Variants in PXN observed in about 807,000 individuals in gnomAD.
PXN encodes the protein paxillin.
PXN carries 61 observed loss-of-function variants against 103.6 expected under a neutral mutation model. The ratio of observed to expected loss-of-function variants is 0.59; its 90% CI spans 0.48 to 0.73. The LOEUF (loss-of-function observed/expected upper bound fraction) is 0.73, where lower values mean the gene tolerates loss of function less well. PXN is among the 30% of genes least tolerant of loss of function. The pLI is 0.00. For missense variants in PXN, 1,274 were observed against 1,460.3 expected (o/e 0.87, Z 2.08); for synonymous variants, 562 against 607.8 (o/e 0.92, Z 1.11).
intron 1 of PXN, among the ~76,000 whole-genome samples, chr12:120,237,385 C>T (rs1889295113): frequency 1.3e-5 from 2 of 152,116 alleles, no homozygotes; most frequent in African/African-American, 4.8e-5. Context: ...TCTCGAACTC[C>T]TGCTGGCCAT....
At chr12:120,235,008 G>T (rs1311662753) in intron 1 of PXN, among the ~76,000 whole-genome samples, 1 of 152,106 alleles carries the variant, frequency 6.6e-6, no homozygotes, top group East Asian at 1.9e-4. Flanking sequence ...TTCATTCCAA[G>T]TCCTCCTTGG....
intron 1 of PXN, among the ~76,000 whole-genome samples, chr12:120,239,504 C>T (rs879631671): frequency 6.6e-6 from 1 of 152,122 alleles, no homozygotes; most frequent in Non-Finnish European, 1.5e-5. Context: ...ATCGCTTGAA[C>T]CCAGGAGGCG....
chr12:120,244,374 C>T (rs1356829990), intron 1 of PXN, among the ~76,000 whole-genome samples: 2 of 151,128 alleles, frequency 1.3e-5, no homozygotes, highest in South Asian at 2.1e-4. Context: ...TGGTCGGGCG[C>T]GGTGGCTCAC....
chr12:120,245,478 T>C (rs1363246220), intron 1 of PXN, among the ~76,000 whole-genome samples: 5 of 151,204 alleles, frequency 3.3e-5, no homozygotes, highest in Admixed American at 3.3e-4. Context: ...TTTTGTTAAC[T>C]TCTTTAGTCT....
rs1383708059 is a variant in PXN, at chr12:120,213,413, G to A, written c.2979+429C>T. 6.6e-6 allele frequency among the ~76,000 whole-genome samples: 1 copy of A among 152,242 alleles called. No homozygotes were observed. Among genetic ancestry groups the A allele is most frequent in the East Asian group, 1.9e-4 (1 of 5,204 alleles). ...AAAAGAAAAGAAAAGGCTCTGAGAA[G>A]TCCTGCAGGGAACAGTGTTTCCCAA... On this transcript the variant is annotated intron_variant, in intron 14 of 14. Transcript: ENST00000637617. The surrounding 1 kb of genome is among the most constrained non-coding windows in gnomAD (Gnocchi z 4.2).
rs147037897 is a variant in PXN at position 120,243,461 on chromosome 12, G to A, written c.14-19084C>T. ...TCCAAGCATTTTGGGAGGCCAAGGC[G>A]GGACGATTGCTTGAGGGCAGAAATT... On this transcript the variant is annotated intron_variant, in intron 1 of 14. Coordinates refer to ENST00000637617, the MANE Select transcript of PXN (RefSeq NM_001385981.1). Among the ~76,000 whole-genome samples the A allele has an allele frequency of 1.4e-3, 216 of 152,286 alleles. 3 individuals are homozygous for A. The highest frequency in any genetic ancestry group is 4.9e-3 in the African/African-American group (203 of 41,558).
chr12:120,221,824 C>A lies in PXN; in HGVS notation c.696-66G>T. ...GCCCCACACTTCCCGGGGATCAGAT[C>A]GACCTCTCACCTCGGACACTGGGGT... On this transcript the variant is annotated intron_variant, in intron 5 of 14. Transcript: ENST00000637617. This position sits in a 1 kb window ranked among gnomAD's most constrained non-coding sequence, Gnocchi z 6.6. 1.3e-6 allele frequency: 2 copies of A among 1,492,780 alleles called. No individual in the cohort carries two copies. 92.5% of individuals were successfully genotyped at this position (1,492,780 alleles called of 1,614,324 possible).
At position 120,223,786 on chromosome 12, in the gene PXN, A is replaced by C. The variant is rs762843360; in HGVS notation, c.288T>G (p.Ser96Arg). The change falls in exon 3 of 15, where the codon AGT becomes AGG. Residue 96 changes from serine to arginine, a missense_variant. Around this residue, in one of 2 missense-constraint regions of PXN, gnomAD observed 1,178 missense variants for 1,309.0 expected, o/e 0.90. Coordinates refer to ENST00000637617, the MANE Select transcript of PXN (RefSeq NM_001385981.1). ...PVYGSSAKTSSVSNPQDSVGS... is the reference protein window; with the variant it reads ...PVYGSSAKTSRVSNPQDSVGS... The stretch of plus-strand genomic sequence containing the variant: ...CAACACTGTCCTGAGGGTTGGAGAC[A>C]CTGGAAGTTTTGGCACTGGAGCCGT... The C allele has an allele frequency of 6.2e-7, 1 of 1,610,672 alleles. No individual in the cohort carries two copies.
chr12:120,223,383 G>A (rs1391287135), intron 3 of PXN, among the ~76,000 whole-genome samples: 1 of 151,826 alleles, frequency 6.6e-6, no homozygotes, highest in African/African-American at 2.4e-5. Context: ...GCAGTGAGCC[G>A]AGATCGCGCG....
At chr12:120,251,911 T>C (rs886840703) in intron 1 of PXN, among the ~76,000 whole-genome samples, 18 of 152,144 alleles carry the variant, frequency 1.2e-4, no homozygotes, top group African/African-American at 4.1e-4. Context: ...ATCCCAAGAA[T>C]GAACGATAAC....
At position 120,224,505 on chromosome 12, in the gene PXN, G is replaced by T. The variant is rs1886246794; in HGVS notation, c.14-128C>A. ...CACCTGCCCCACCCATGGGAGAAAT[G>T]ACCAGCCTTGGGACAGGAAGCCACC... On this transcript the variant is annotated intron_variant, in intron 1 of 14. Coordinates refer to ENST00000637617, the MANE Select transcript of PXN (RefSeq NM_001385981.1). This position sits in a 1 kb window ranked among gnomAD's most constrained non-coding sequence, Gnocchi z 5.0. The T allele has an allele frequency of 2.5e-6, 2 of 796,318 alleles. No homozygotes were observed. The highest frequency in any genetic ancestry group is 2.7e-5 in the South Asian group (2 of 73,492). The allele number at this position is 796,318 out of a possible 1,614,324, so 49.3% of individuals were successfully genotyped here.
In PXN at chr12:120,224,959, G is replaced by T; in HGVS notation, c.14-582C>A. ...GGGTAAGGTGTGCGGGGAGGTGGGGGCTGGAGTGAGGCTGGTGCAGCGGTC... is the reference window on the plus strand; with the variant it reads ...GGGTAAGGTGTGCGGGGAGGTGGGGTCTGGAGTGAGGCTGGTGCAGCGGTC... On this transcript the variant is annotated intron_variant, in intron 1 of 14. Coordinates refer to ENST00000637617, the MANE Select transcript of PXN (RefSeq NM_001385981.1). The surrounding 1 kb of genome is among the most constrained non-coding windows in gnomAD (Gnocchi z 5.0). 2.9e-6 allele frequency: 1 copy of T among 347,342 alleles called. No homozygotes were observed. The highest frequency in any genetic ancestry group is 1.1e-3 in the Middle Eastern group (1 of 940). The allele number at this position is 347,342 out of a possible 1,614,324, so 21.5% of individuals were successfully genotyped here.
chr12:120,249,760 A>C (rs1263523548), intron 1 of PXN: 1 of 787,614 alleles, frequency 1.3e-6, no homozygotes, highest in South Asian at 5.8e-5. Flanking sequence ...TCAAGTGCCA[A>C]CTTCCAAAGA....
intron 1 of PXN, among the ~76,000 whole-genome samples, chr12:120,264,980 G>A (rs1705051674): frequency 2.0e-5 from 3 of 152,164 alleles, no homozygotes; most frequent in Non-Finnish European, 2.9e-5. Context: ...AGAGCAGGCA[G>A]ACTGGGAAAC....
chr12:120,236,642 A>G (rs1889118508), intron 1 of PXN, among the ~76,000 whole-genome samples: 1 of 151,766 alleles, frequency 6.6e-6, no homozygotes, highest in Non-Finnish European at 1.5e-5. Context: ...ACACCCAGCT[A>G]ATTTTTGTAT....
Position 120,216,667 on chromosome 12 carries a change from T to C in PXN, c.1993-86A>G. ...TGGCGGGACCTCCCCAGGCTCCCCCTGGGCCTTCCCACTCTGCACCAAGAG... is the reference window on the plus strand; with the variant it reads ...TGGCGGGACCTCCCCAGGCTCCCCCCGGGCCTTCCCACTCTGCACCAAGAG... On this transcript the variant is annotated intron_variant, in intron 8 of 14. Transcript: ENST00000637617. This position sits in a 1 kb window ranked among gnomAD's most constrained non-coding sequence, Gnocchi z 5.1. 2.5e-6 allele frequency: 4 copies of C among 1,577,226 alleles called. No individual in the cohort carries two copies. The highest frequency in any genetic ancestry group is 3.4e-6 in the Non-Finnish European group (4 of 1,173,464).
intron 1 of PXN, among the ~76,000 whole-genome samples, chr12:120,238,878 G>A (rs925262803): frequency 6.6e-6 from 1 of 152,138 alleles, no homozygotes; most frequent in East Asian, 1.9e-4. Flanking sequence ...CTATGTATGG[G>A]GGGCACAGCT....
chr12:120,234,457 T>C (rs908854130), intron 1 of PXN, among the ~76,000 whole-genome samples: 6 of 152,064 alleles, frequency 3.9e-5, no homozygotes, highest in Non-Finnish European at 8.8e-5. Flanking sequence ...TTGGGGACTT[T>C]GGCAAACAAT....
In PXN at chr12:120,222,041, T is replaced by G. The variant is rs961410460; in HGVS notation, c.696-283A>C. 2.0e-5 allele frequency among the ~76,000 whole-genome samples: 3 copies of G among 152,122 alleles called. No homozygotes were observed. The highest frequency in any genetic ancestry group is 7.2e-5 in the African/African-American group (3 of 41,418). ...TGTGTTTCCTCCACAACACTGGACA[T>G]GGAGGTGAGGCTACTGCAGTAACAC... On this transcript the variant is annotated intron_variant, in intron 5 of 14. Coordinates refer to ENST00000637617, the MANE Select transcript of PXN (RefSeq NM_001385981.1). The surrounding 1 kb of genome is among the most constrained non-coding windows in gnomAD (Gnocchi z 4.7).
Sources: allele counts gnomAD v4.1 joint callset (sites outside exome capture counted in the v4.1 genomes callset), GRCh38; gene constraint gnomAD v4.1.1; regional missense constraint gnomAD v4.1.1; non-coding constraint Gnocchi (gnomAD v3.1); transcripts MANE v1.5; gene names NCBI Gene and HGNC (gene_info 2026-07-23, HGNC 2026-07-21).